Variants in GNAQ observed in about 807,000 individuals in gnomAD.
GNAQ encodes guanine nucleotide-binding protein G(q) subunit alpha.
A neutral mutation model predicts 43.9 loss-of-function variants in GNAQ; 8 were observed. The ratio of observed to expected loss-of-function variants is 0.18; its 90% confidence interval spans 0.11 to 0.33. The LOEUF is 0.33. Among genes scored for constraint, GNAQ ranks in the 10% least tolerant of loss-of-function variants. GNAQ has a pLI of 1.00. For synonymous variants in GNAQ, 155 were observed against 170.7 expected (o/e 0.91, Z 0.71); for missense variants, 158 against 450.8 (o/e 0.35, Z 5.88).
intron 1 of GNAQ, among the ~76,000 whole-genome samples, chr9:77,984,120 A>G (rs1823403826): frequency 6.8e-6 from 1 of 148,040 alleles, no homozygotes; most frequent in Non-Finnish European, 1.5e-5. Context: ...GGGCACAAGC[A>G]GAAAGTTTTT....
At chr9:77,955,914 C>G (rs1221977651) in intron 1 of GNAQ, among the ~76,000 whole-genome samples, 1 of 152,086 alleles carries the variant, frequency 6.6e-6, no homozygotes, top group African/African-American at 2.4e-5. Flanking sequence ...ATTTCAAGAC[C>G]AAGAGGTGAT....
At chr9:77,917,440 T>C (rs1482569393) in intron 2 of GNAQ, among the ~76,000 whole-genome samples, 2 of 151,666 alleles carry the variant, frequency 1.3e-5, no homozygotes, top group Non-Finnish European at 2.9e-5. Context: ...GACAAAATAA[T>C]CTGTACACCA....
intron 1 of GNAQ, among the ~76,000 whole-genome samples, chr9:78,009,952 T>C (rs1000826940): frequency 1.3e-5 from 2 of 152,132 alleles, no homozygotes; most frequent in African/African-American, 4.8e-5. Flanking sequence ...GAAACAAACA[T>C]GAACTGGTAC....
At chr9:78,003,122 T>C (rs1271338715) in intron 1 of GNAQ, among the ~76,000 whole-genome samples, 1 of 152,228 alleles carries the variant, frequency 6.6e-6, no homozygotes, top group African/African-American at 2.4e-5. Flanking sequence ...AAAGATTTGT[T>C]TTAGCCTTAT....
intron 2 of GNAQ, among the ~76,000 whole-genome samples, chr9:77,878,229 T>G (rs1310917374): frequency 3.3e-5 from 5 of 151,674 alleles, no homozygotes; most frequent in African/African-American, 1.2e-4. Context: ...TTTGGTGTTT[T>G]TTTTTTTTTT....
intron 2 of GNAQ, among the ~76,000 whole-genome samples, chr9:77,848,634 A>G (rs1827623276): frequency 2.0e-5 from 3 of 152,234 alleles, no homozygotes; most frequent in Admixed American, 1.3e-4. Flanking sequence ...TGAGATGACA[A>G]TTAATTAGTG....
At chr9:77,722,785 T>C (rs1825337249) in intron 6 of GNAQ, among the ~76,000 whole-genome samples, 1 of 151,492 alleles carries the variant, frequency 6.6e-6, no homozygotes, top group East Asian at 2.0e-4. Flanking sequence ...GCCTCCTGAA[T>C]AGCTGAAACT....
chr9:77,943,959 G>A (rs919371626), intron 1 of GNAQ, among the ~76,000 whole-genome samples: 5 of 152,128 alleles, frequency 3.3e-5, no homozygotes, highest in Non-Finnish European at 5.9e-5. Flanking sequence ...GAGACACAGT[G>A]CCTAGCCAGT....
intron 2 of GNAQ, among the ~76,000 whole-genome samples, chr9:77,824,978 T>G (rs1464873408): frequency 1.3e-5 from 2 of 152,222 alleles, no homozygotes; most frequent in East Asian, 3.8e-4. Context: ...CATTCTCTGC[T>G]GCTGCACATG....
intron 1 of GNAQ, among the ~76,000 whole-genome samples, chr9:77,944,955 C>A (rs1822867008): frequency 6.6e-6 from 1 of 152,130 alleles, no homozygotes; most frequent in African/African-American, 2.4e-5. Context: ...TCCAAGAACA[C>A]CAGGGGTCTC....
chr9:77,792,482 T>C (rs1305136800), intron 5 of GNAQ, among the ~76,000 whole-genome samples: 1 of 152,110 alleles, frequency 6.6e-6, no homozygotes, highest in Non-Finnish European at 1.5e-5. Context: ...AATATACTTT[T>C]ATATAAAAAT....
intron 1 of GNAQ, among the ~76,000 whole-genome samples, chr9:77,983,110 T>C (rs897114134): frequency 2.6e-5 from 4 of 152,206 alleles, no homozygotes; most frequent in Admixed American, 2.0e-4. Context: ...TCTGCTGTAC[T>C]GGGGTAGAAA....
At chr9:77,778,214 TACAC>T (rs34540195) in intron 5 of GNAQ, among the ~76,000 whole-genome samples, 78,659 of 149,472 alleles carry the variant, frequency 0.53, 22,437 homozygotes, top group Non-Finnish European at 0.65. Context: ...TTTACACGTT[TACAC>T]ACACACACAC....
At chr9:77,900,173 T>C (rs939770098) in intron 2 of GNAQ, among the ~76,000 whole-genome samples, 13 of 152,168 alleles carry the variant, frequency 8.5e-5, no homozygotes, top group Non-Finnish European at 1.9e-4. Flanking sequence ...ATACTTGTGG[T>C]ATATGTCTCA....
intron 2 of GNAQ, among the ~76,000 whole-genome samples, chr9:77,906,104 T>A (rs912842398): frequency 4.6e-5 from 7 of 151,412 alleles, no homozygotes; most frequent in South Asian, 4.2e-4. Context: ...AAAAAAAAAA[T>A]AATTTCTAAA....
At chr9:77,771,559 T>TGG (rs1263728728) in intron 5 of GNAQ, among the ~76,000 whole-genome samples, 1 of 152,202 alleles carries the variant, frequency 6.6e-6, no homozygotes, top group Non-Finnish European at 1.5e-5. Context: ...TGCAGCTCTC[T>TGG]GGGTATGGGA....
At chr9:78,005,449 C>T (rs911727799) in intron 1 of GNAQ, among the ~76,000 whole-genome samples, 76 of 152,138 alleles carry the variant, frequency 5.0e-4, no homozygotes, top group African/African-American at 1.8e-3. Flanking sequence ...TCTGGGGAAG[C>T]GGGAGTTTGC....
intron 2 of GNAQ, among the ~76,000 whole-genome samples, chr9:77,875,266 A>G (rs1828109024): frequency 6.6e-6 from 1 of 152,252 alleles, no homozygotes; most frequent in African/African-American, 2.4e-5. Context: ...TCCTTTACAC[A>G]AACTAAATGA....
chr9:77,917,148 G>GT (rs780811331), intron 2 of GNAQ, among the ~76,000 whole-genome samples: 22 of 152,104 alleles, frequency 1.4e-4, no homozygotes, highest in Non-Finnish European at 2.8e-4. Context: ...GAAATAACTA[G>GT]TAACAGGCAA....
Sources: gnomAD v4.1 joint callset for allele counts (sites outside exome capture counted in the v4.1 genomes callset) on GRCh38, gnomAD v4.1.1 for gene constraint, MANE v1.5 for transcripts, NCBI Gene and HGNC (gene_info 2026-07-23, HGNC 2026-07-21) for gene names.